The following RPN2 variants were observed in gnomAD, a reference collection of about 807,000 sequenced individuals.
RPN2 encodes the protein dolichyl-diphosphooligosaccharide--protein glycosyltransferase subunit 2.
A neutral mutation model predicts 71.4 loss-of-function variants in RPN2; 29 were observed. The observed-to-expected ratio is 0.41, with a 90% CI of 0.30 to 0.55. RPN2 has a LOEUF of 0.55. Among genes scored for constraint, RPN2 ranks in the 20% least tolerant of loss-of-function variants. The probability of loss-of-function intolerance (pLI) is 0.35; values close to 1 mark genes in which losing one functional copy is unlikely to be tolerated. For synonymous variants in RPN2, 308 were observed against 305.0 expected, an observed-to-expected ratio of 1.01 and a Z score of -0.10; for missense variants, 726 against 774.1, an observed-to-expected ratio of 0.94 and a Z score of 0.74.
At chr20:37,231,769 C>A (rs2068255641) in intron 13 of RPN2, among the ~76,000 whole-genome samples, 1 of 151,596 alleles carries the variant, frequency 6.6e-6, no homozygotes, top group South Asian at 2.1e-4. Context: ...TCCTTAGAGC[C>A]ATGGCTCAGG....
chr20:37,230,014 G>A lies in RPN2; in HGVS notation c.1536G>A (p.Ser512=), dbSNP rs557396469. The A allele has an allele frequency of 8.7e-6, 14 of 1,614,082 alleles. No homozygotes were observed. The highest frequency in any genetic ancestry group is 3.3e-5 in the Admixed American group (2 of 60,012). The change falls in exon 13 of 17, where the codon TCG becomes TCA. Residue 512 remains serine, a synonymous_variant. Transcript: ENST00000237530. The part of the protein sequence containing the change: ...VIKFPEEEAP[S]TVLSQNLFTP... ...AGTTCCCTGAGGAAGAAGCTCCCTC[G>A]ACTGTCTTGTCCCAGAACCTTTTCA...
At chr20:37,234,538 C>T (rs969002464) in intron 15 of RPN2, among the ~76,000 whole-genome samples, 3 of 152,220 alleles carry the variant, frequency 2.0e-5, no homozygotes, top group African/African-American at 7.2e-5. Flanking sequence ...TGCTATCCTG[C>T]ATCGTTCTCT....
At chr20:37,228,427 A>G (rs2068136811) in intron 11 of RPN2, 123 bp from the exon 12 acceptor site, 1 of 923,486 alleles carries the variant, frequency 1.1e-6, no homozygotes, top group South Asian at 1.4e-5. Flanking sequence ...CAGGTCTGGC[A>G]GATCCCAGAG....
chr20:37,228,765 C>T (rs371549402), intron 12 of RPN2, 21 bp downstream of exon 12: 9 of 1,612,324 alleles, frequency 5.6e-6, no homozygotes, highest in South Asian at 1.1e-5. Context: ...GAATGTACCC[C>T]GACCCAGGTG....
rs1189270720 is a variant in RPN2 at position 37,184,241 on chromosome 20, C to T, written c.75C>T (p.Pro25=). The part of the protein sequence containing the change: ...TIIASTWALT[P]THYLTKHDVE... ...TAGCCAGCACCTGGGCTCTGACGCC[C>T]ACTCACTACCTCACCAAGCATGACG... The change falls in exon 2 of 17, where the codon CCC becomes CCT. Residue 25 remains proline, a synonymous_variant. Coordinates refer to ENST00000237530, the MANE Select transcript of RPN2 (RefSeq NM_002951.5). The T allele has an allele frequency of 1.9e-6, 3 of 1,614,098 alleles. No individual in the cohort carries two copies. The highest frequency in any genetic ancestry group is 2.5e-6 in the Non-Finnish European group (3 of 1,180,046).
rs143154177 is a variant in RPN2 at position 37,223,063 on chromosome 20, C to T, written c.1093-815C>T. Among the ~76,000 whole-genome samples the T allele has an allele frequency of 6.8e-3, 1,040 of 152,334 alleles. 9 individuals carry two copies. The highest frequency in any genetic ancestry group is 0.011 in the Non-Finnish European group (757 of 68,026). ...GCTCTGCTTCATGATATCTTTGCTC[C>T]AGGACCCTGGCTGAAGGAGCAAGCA... On this transcript the variant is annotated intron_variant, in intron 9 of 16. Transcript: ENST00000237530.
rs2281202 is a variant in RPN2, at chr20:37,234,305, T to C, written c.1753+210T>C. Among the ~76,000 whole-genome samples, 126,731 of 152,300 alleles carry C rather than the reference T, an allele frequency of 0.83. 53,663 individuals carry two copies. The highest frequency in any genetic ancestry group is 0.96 in the African/African-American group (40,105 of 41,580). ...GAACAGCTGTCATTATATTGGGCTT[T>C]GTTGTACTGTGCCACTGTTGGCAGA... is the stretch of plus-strand genomic sequence containing the variant. On this transcript the variant is annotated intron_variant, in intron 15 of 16. Transcript: ENST00000237530.
rs554082270 is a variant in RPN2 at position 37,239,148 on chromosome 20, G to A, written c.1884-2155G>A. Reference sequence around the variant, plus strand: ...TCCGCTAGACCAGGGTCTGGCAAAAGTTTTCTGTAAAGAGCCAGACAGTAT... The same window carrying A: ...TCCGCTAGACCAGGGTCTGGCAAAAATTTTCTGTAAAGAGCCAGACAGTAT... On this transcript the variant is annotated intron_variant, in intron 16 of 16. Coordinates refer to ENST00000237530, the MANE Select transcript of RPN2 (RefSeq NM_002951.5). Among the ~76,000 whole-genome samples, 11 of 152,320 alleles carry A rather than the reference G, an allele frequency of 7.2e-5. No homozygotes were observed. In the South Asian group the frequency reaches 2.3e-3, roughly 32 times the overall value.
At chr20:37,181,197 C>G (rs970489101) in intron 1 of RPN2, among the ~76,000 whole-genome samples, 1 of 151,586 alleles carries the variant, frequency 6.6e-6, no homozygotes, top group African/African-American at 2.4e-5. Context: ...CCACTGCACT[C>G]CAGCCTGGCA....
intron 9 of RPN2, among the ~76,000 whole-genome samples, chr20:37,220,229 G>C (rs2067917933): frequency 6.6e-6 from 1 of 151,842 alleles, no homozygotes; most frequent in African/African-American, 2.4e-5. Context: ...GAGAGAGTCG[G>C]CTTTGACCTT....
At chr20:37,208,386 C>G (rs1321306999) in intron 7 of RPN2, among the ~76,000 whole-genome samples, 1 of 151,758 alleles carries the variant, frequency 6.6e-6, no homozygotes, top group Admixed American at 6.6e-5. Flanking sequence ...CAATACCAAA[C>G]TTTCTTTTTC....
At chr20:37,199,731 G>A (rs563696478) in intron 4 of RPN2, among the ~76,000 whole-genome samples, 25 of 152,264 alleles carry the variant, frequency 1.6e-4, no homozygotes, top group Admixed American at 1.5e-3. Context: ...CTCTGCAAAA[G>A]GCTTAGGTGA....
chr20:37,199,915 C>T (rs1267809701), intron 4 of RPN2, among the ~76,000 whole-genome samples: 2 of 152,054 alleles, frequency 1.3e-5, no homozygotes, highest in Non-Finnish European at 2.9e-5. Flanking sequence ...TCACTGCAGC[C>T]TTGAACTCTG....
chr20:37,217,301 CTTT>C (rs112030125), intron 9 of RPN2, among the ~76,000 whole-genome samples: 3,161 of 130,782 alleles, frequency 0.024, 52 homozygotes, highest in Middle Eastern at 0.039. Context: ...TATTATTATT[CTTT>C]TTTTTTTGAA....
chr20:37,211,572 C>T (rs1429768060), intron 8 of RPN2, among the ~76,000 whole-genome samples: 8 of 150,006 alleles, frequency 5.3e-5, no homozygotes, highest in African/African-American at 1.5e-4. Flanking sequence ...ACCCAGGCAG[C>T]GGAGGTTGGC....
intron 2 of RPN2, among the ~76,000 whole-genome samples, chr20:37,196,883 T>C (rs2067267805): frequency 6.6e-6 from 1 of 152,176 alleles, no homozygotes; most frequent in African/African-American, 2.4e-5. Flanking sequence ...GTCCCTGATC[T>C]TGGGCCACTA....
chr20:37,238,934 C>T (rs576080358), intron 16 of RPN2: 3 of 448,604 alleles, frequency 6.7e-6, no homozygotes, highest in Admixed American at 2.4e-5. Context: ...TTATGAAGGA[C>T]TGATGGCCAC....
intron 16 of RPN2, among the ~76,000 whole-genome samples, chr20:37,240,623 T>C (rs928341941): frequency 6.6e-6 from 1 of 152,188 alleles, no homozygotes; most frequent in African/African-American, 2.4e-5. Context: ...TCACAGTCTG[T>C]CTAGATTGTC....
intron 9 of RPN2, among the ~76,000 whole-genome samples, chr20:37,216,643 G>A (rs903624406): frequency 6.6e-6 from 1 of 151,778 alleles, no homozygotes; most frequent in Non-Finnish European, 1.5e-5. Context: ...TGCATTTTTA[G>A]TAGATACAGG....
Sources: gnomAD v4.1 joint callset for allele counts (sites outside exome capture counted in the v4.1 genomes callset) on GRCh38, gnomAD v4.1.1 for gene constraint, MANE v1.5 for transcripts, NCBI Gene and HGNC (gene_info 2026-07-23, HGNC 2026-07-21) for gene names.